The following CPXM2 variants were observed in gnomAD, a reference collection of about 807,000 sequenced individuals.
CPXM2 encodes the protein carboxypeptidase X, M14 family member 2, also known as inactive carboxypeptidase-like protein X2.
In CPXM2, 66 loss-of-function variants were observed where a neutral mutation model predicts 86.1. That is an observed-to-expected ratio of 0.77 (90% CI 0.63 to 0.94). CPXM2 has a LOEUF of 0.94. CPXM2 is among the 40% of genes least tolerant of loss of function. CPXM2 has a pLI of 0.00. For missense variants in CPXM2, 948 were observed against 1,026.3 expected, an observed-to-expected ratio of 0.92 and a Z score of 1.04; for synonymous variants, 388 against 400.2, an observed-to-expected ratio of 0.97 and a Z score of 0.36.
upstream of CPXM2, among the ~76,000 whole-genome samples, chr10:123,896,391 T>G (rs1170168246): frequency 6.6e-6 from 1 of 152,216 alleles, no homozygotes; most frequent in African/African-American, 2.4e-5. Context: ...ATCATTATAA[T>G]TACAAAGCTG....
At chr10:123,903,087 G>A (rs76954617) in intron 2 of CPXM2, among the ~76,000 whole-genome samples, 1,610 of 152,276 alleles carry the variant, frequency 0.011, 29 homozygotes, top group African/African-American at 0.036. Context: ...TGATTGCAGC[G>A]GGTGAGGTCC....
rs185937319 is a variant in CPXM2, at chr10:123,813,444, C to T, written c.654-14245G>A. Reference sequence around the variant, plus strand: ...ATCATGCTTCTCTTTTCCCTAGGTCCTAGGTATAGGATTTCAGTGTTCTCA... The same window carrying T: ...ATCATGCTTCTCTTTTCCCTAGGTCTTAGGTATAGGATTTCAGTGTTCTCA... On this transcript the variant is annotated intron_variant, in intron 4 of 13. Coordinates refer to ENST00000241305, the MANE Select transcript of CPXM2 (RefSeq NM_198148.3). Among the ~76,000 whole-genome samples, 17 of 152,280 alleles carry T rather than the reference C, an allele frequency of 1.1e-4. No individual in the cohort carries two copies. In the East Asian group the frequency reaches 1.9e-3, roughly 17 times the overall value.
intron 6 of CPXM2, among the ~76,000 whole-genome samples, chr10:123,789,141 C>T (rs993144042): frequency 5.9e-5 from 9 of 152,116 alleles, no homozygotes; most frequent in Admixed American, 2.0e-4. Flanking sequence ...TTGTCCAGAC[C>T]CCATTGACTG....
chr10:123,859,062 A>G (rs573758072), intron 3 of CPXM2, among the ~76,000 whole-genome samples: 1 of 152,310 alleles, frequency 6.6e-6, no homozygotes, highest in South Asian at 2.1e-4. Flanking sequence ...TGTGAGCCCC[A>G]TACCTTCCAG....
chr10:123,923,538 G>T (rs1049814090), intron 2 of CPXM2, among the ~76,000 whole-genome samples: 4 of 150,324 alleles, frequency 2.7e-5, no homozygotes, highest in Non-Finnish European at 5.9e-5. Context: ...CCGAGATCGC[G>T]CCACTGCACT....
At chr10:123,915,279 C>T (rs1330226320) in intron 2 of CPXM2, among the ~76,000 whole-genome samples, 3 of 152,178 alleles carry the variant, frequency 2.0e-5, no homozygotes, top group Non-Finnish European at 4.4e-5. Context: ...CCACGTAGGC[C>T]GGGTGCGGTG....
chr10:123,895,549 T>C (rs1010275023), upstream of CPXM2, among the ~76,000 whole-genome samples: 4 of 152,258 alleles, frequency 2.6e-5, no homozygotes, highest in Non-Finnish European at 1.5e-5. Flanking sequence ...CAATAACTCC[T>C]TCTGCATAAC....
At chr10:123,802,922 G>A (rs1214066603) in intron 4 of CPXM2, among the ~76,000 whole-genome samples, 1 of 151,498 alleles carries the variant, frequency 6.6e-6, no homozygotes, top group Non-Finnish European at 1.5e-5. Flanking sequence ...TCGATATTTT[G>A]TATGTTCATT....
At chr10:123,766,934 C>T in intron 10 of CPXM2, 39 bp downstream of exon 10, 1 of 1,544,256 alleles carries the variant, frequency 6.5e-7, no homozygotes, top group Non-Finnish European at 9.0e-7. Flanking sequence ...TTAAGCCTTG[C>T]CTTTGGCTGC....
intron 4 of CPXM2, among the ~76,000 whole-genome samples, chr10:123,830,773 CA>C (rs57499506): frequency 0.37 from 53,972 of 146,850 alleles, 11,585 homozygotes; most frequent in African/African-American, 0.61. Flanking sequence ...GAATAATATG[CA>C]AAAAAAAAAT....
chr10:123,871,845 C>T (rs1944901389), intron 2 of CPXM2, among the ~76,000 whole-genome samples: 1 of 151,980 alleles, frequency 6.6e-6, no homozygotes, highest in Non-Finnish European at 1.5e-5. Context: ...ATCGTATTTT[C>T]AAGAAAAACA....
At chr10:123,786,567 A>G (rs1327003479) in intron 6 of CPXM2, among the ~76,000 whole-genome samples, 1 of 152,166 alleles carries the variant, frequency 6.6e-6, no homozygotes, top group Non-Finnish European at 1.5e-5. Context: ...CTAAGCCCCC[A>G]ACTGATGGAA....
intron 2 of CPXM2, among the ~76,000 whole-genome samples, chr10:123,877,246 A>C (rs1011582218): frequency 6.6e-6 from 1 of 152,252 alleles, no homozygotes; most frequent in Admixed American, 6.5e-5. Flanking sequence ...GTAGCAAAAA[A>C]TTGGAAACAA....
chr10:123,928,261 A>C (rs1945640375), intron 2 of CPXM2, among the ~76,000 whole-genome samples: 1 of 152,138 alleles, frequency 6.6e-6, no homozygotes, highest in Admixed American at 6.5e-5. Context: ...CTGGTTCCAA[A>C]CCTCTCCAAA....
intron 3 of CPXM2, among the ~76,000 whole-genome samples, chr10:123,859,642 C>T (rs768905173): frequency 3.3e-5 from 5 of 152,218 alleles, no homozygotes; most frequent in Admixed American, 1.3e-4. Flanking sequence ...AGAGCAGGTA[C>T]GGAGACTTTC....
intron 4 of CPXM2, among the ~76,000 whole-genome samples, chr10:123,820,240 C>T (rs1383911879): frequency 6.6e-6 from 1 of 152,158 alleles, no homozygotes; most frequent in Non-Finnish European, 1.5e-5. Context: ...CTGACTAATA[C>T]AGGTGCTGAT....
chr10:123,792,415 G>A (rs2162536), intron 6 of CPXM2, among the ~76,000 whole-genome samples: 95,887 of 151,962 alleles, frequency 0.63, 30,457 homozygotes, highest in African/African-American at 0.71. Context: ...TTCTTCTCAC[G>A]GAACTCATGG....
intron 6 of CPXM2, among the ~76,000 whole-genome samples, chr10:123,785,328 TA>T (rs1369462344): frequency 6.6e-6 from 1 of 152,168 alleles, no homozygotes; most frequent in African/African-American, 2.4e-5. Flanking sequence ...GCACCGCCCT[TA>T]TGATGATTTC....
intron 2 of CPXM2, among the ~76,000 whole-genome samples, chr10:123,911,714 G>A (rs73368729): frequency 0.059 from 8,951 of 151,964 alleles, 729 homozygotes; most frequent in African/African-American, 0.18. Flanking sequence ...GTGCTCACAT[G>A]TCACTGTGAT....
Sources: gnomAD v4.1 joint callset for allele counts (sites outside exome capture counted in the v4.1 genomes callset) on GRCh38, gnomAD v4.1.1 for gene constraint, MANE v1.5 for transcripts, NCBI Gene and HGNC (gene_info 2026-07-23, HGNC 2026-07-21) for gene names.